PEDS1: variants seen among roughly 807,000 people sequenced by gnomAD.
The protein encoded by PEDS1 is CarF homolog.
PEDS1 carries 14 observed loss-of-function variants against 35.2 expected under a neutral mutation model. The ratio of observed to expected loss-of-function variants is 0.40; its 90% CI spans 0.26 to 0.62. The LOEUF (loss-of-function observed/expected upper bound fraction) is 0.62. Among genes scored for constraint, PEDS1 ranks in the 20% least tolerant of loss-of-function variants. The probability of loss-of-function intolerance (pLI) is 0.44; values close to 1 mark genes in which losing one functional copy is unlikely to be tolerated. For missense variants in PEDS1, 260 were observed against 367.8 expected (o/e 0.71, Z 2.40); for synonymous variants, 152 against 152.0 (o/e 1.00, Z 0.00).
At chr20:50,126,874 TTGCTCTAATCTG>T (rs1224395295) in intron 5 of PEDS1, among the ~76,000 whole-genome samples, 2 of 152,168 alleles carry the variant, frequency 1.3e-5, no homozygotes, top group African/African-American at 4.8e-5. Context: ...CCTGTTACCT[TTGCTCTAATCTG>T]TGCTCATCTA....
At position 50,139,682 on chromosome 20, in the gene PEDS1, T is replaced by TC. The variant is rs979487593; in HGVS notation, c.241+3819_241+3820insG. Among the ~76,000 whole-genome samples, 9 of 144,462 alleles carry TC rather than the reference T, an allele frequency of 6.2e-5. No homozygotes were observed. The South Asian group carries it at 1.1e-3, about 18-fold the overall frequency. The allele number at this position is 144,462 out of a possible 152,430, so 94.8% of individuals were successfully genotyped here. Reference sequence around the variant, plus strand: ...CAGATGACCCCCGGATTTCTTTCTTTTTTTTTTTTTTTTTCCAGAGGAAGT... The same window carrying TC: ...CAGATGACCCCCGGATTTCTTTCTTTCTTTTTTTTTTTTTTCCAGAGGAAGT... On this transcript the variant is annotated intron_variant, in intron 2 of 5. Transcript: ENST00000371652.
At chr20:50,136,655 A>G (rs955609805) in intron 2 of PEDS1, among the ~76,000 whole-genome samples, 5 of 145,344 alleles carry the variant, frequency 3.4e-5, no homozygotes, top group Admixed American at 2.2e-4. Context: ...CCTGGGAGGA[A>G]GAGGTAGCAG....
In PEDS1 at chr20:50,124,180, TTGC is replaced by T. The variant is rs1458115062; in HGVS notation, c.*875_*877del. 1 of 152,642 alleles carries T rather than the reference TTGC, an allele frequency of 6.6e-6. No individual in the cohort carries two copies. Among genetic ancestry groups the T allele is most frequent in the Non-Finnish European group, 1.5e-5 (1 of 68,036 alleles). The allele number at this position is 152,642 out of a possible 1,614,324, so 9.5% of individuals were successfully genotyped here. A position where few individuals can be genotyped will look rare whatever the true frequency, so the allele number is the denominator to read the frequency against. On this transcript the variant is annotated 3_prime_UTR_variant, in exon 6 of 6. Coordinates refer to ENST00000371652, the MANE Select transcript of PEDS1 (RefSeq NM_199129.4). ...GAGGCAGCCAAGGTTAAGTAGACTCTTGCTGCTTTGTTATAAATATATTATGTA... is the reference window on the plus strand; with the variant it reads ...GAGGCAGCCAAGGTTAAGTAGACTCTTGCTTTGTTATAAATATATTATGTA...
Position 50,128,491 on chromosome 20 carries a change from A to G in PEDS1, c.479-304T>C, listed in dbSNP as rs1468956999. On this transcript the variant is annotated intron_variant, in intron 4 of 5. Coordinates refer to ENST00000371652, the MANE Select transcript of PEDS1 (RefSeq NM_199129.4). The surrounding 1 kb of genome is among the most constrained non-coding windows in gnomAD (Gnocchi z 5.2). Reference sequence around the variant, plus strand: ...ATCTCTGCCGACATTTCTTGGCAGTATGGGCTGGATCGGTGACTCTGCCTC... The same window carrying G: ...ATCTCTGCCGACATTTCTTGGCAGTGTGGGCTGGATCGGTGACTCTGCCTC... Among the ~76,000 whole-genome samples, 2 of 152,182 alleles carry G rather than the reference A, an allele frequency of 1.3e-5. No individual in the cohort carries two copies. Among genetic ancestry groups the G allele is most frequent in the African/African-American group, 4.8e-5 (2 of 41,444 alleles).
intron 1 of PEDS1, among the ~76,000 whole-genome samples, chr20:50,150,055 G>C (rs1032138844): frequency 6.6e-6 from 1 of 152,180 alleles, no homozygotes; most frequent in Non-Finnish European, 1.5e-5. Flanking sequence ...GGGCAGATGC[G>C]GGCCTAACCC....
intron 2 of PEDS1, among the ~76,000 whole-genome samples, chr20:50,132,806 G>C (rs2077069553): frequency 6.6e-6 from 1 of 152,154 alleles, no homozygotes. Context: ...CCATATTACT[G>C]TTGCTGTCAT....
At chr20:50,137,882 C>A (rs930360445) in intron 2 of PEDS1, among the ~76,000 whole-genome samples, 6 of 151,744 alleles carry the variant, frequency 4.0e-5, no homozygotes, top group Non-Finnish European at 8.8e-5. Context: ...AACAAACAAA[C>A]AAAAAAAACT....
rs760444312 is a variant in PEDS1, at chr20:50,129,583, C to G, written c.441G>C (p.Leu147=). ...GDNCLVTLLP[L]LNMAYKFRTH... is the part of the protein sequence containing the mutation. ...TGCGGAACTTGTAGGCCATGTTTAG[C>G]AGCGGCAGCAGTGTCACCAGGCAGT... is the stretch of plus-strand genomic sequence containing the variant. Residue 147 remains leucine, a synonymous_variant, in exon 4 of 6, where the codon CTG becomes CTC. Transcript: ENST00000371652. This position sits in a 1 kb window ranked among gnomAD's most constrained non-coding sequence, Gnocchi z 4.2. 24 of 1,614,108 alleles carry G rather than the reference C, an allele frequency of 1.5e-5. No individual in the cohort carries two copies. Among genetic ancestry groups the G allele is most frequent in the Middle Eastern group, 1.6e-4 (1 of 6,062 alleles).
chr20:50,124,803 G>A lies in PEDS1; in HGVS notation c.*255C>T, dbSNP rs1370956250. On this transcript the variant is annotated 3_prime_UTR_variant, in exon 6 of 6. Coordinates refer to ENST00000371652, the MANE Select transcript of PEDS1 (RefSeq NM_199129.4). ...TGGGTAAACCTCCTCTCTACCAGGG[G>A]AGGCTGGCAGAGTCAGGCTTGCAGA... is the stretch of plus-strand genomic sequence containing the variant. 1.2e-5 allele frequency: 5 copies of A among 412,160 alleles called. No individual in the cohort carries two copies. In the East Asian group the frequency reaches 2.3e-4, roughly 19 times the overall value. 25.5% of individuals were successfully genotyped at this position (412,160 alleles called of 1,614,324 possible).
At chr20:50,133,061 C>T (rs1006346789) in intron 2 of PEDS1, among the ~76,000 whole-genome samples, 1 of 152,158 alleles carries the variant, frequency 6.6e-6, no homozygotes, top group African/African-American at 2.4e-5. Context: ...TGCTGGTGCC[C>T]TCAACCCCTT....
chr20:50,124,851 G>C lies in PEDS1; in HGVS notation c.*207C>G. 1 of 583,240 alleles carries C rather than the reference G, an allele frequency of 1.7e-6. No homozygotes were observed. The highest frequency in any genetic ancestry group is 2.9e-6 in the Non-Finnish European group (1 of 347,724). 36.1% of individuals were successfully genotyped at this position (583,240 alleles called of 1,614,324 possible). A position where few individuals can be genotyped will look rare whatever the true frequency, so the allele number is the denominator to read the frequency against. On this transcript the variant is annotated 3_prime_UTR_variant, in exon 6 of 6. Coordinates refer to ENST00000371652, the MANE Select transcript of PEDS1 (RefSeq NM_199129.4). ...AGATAGAGCAACTCAGGTGGCTGAGGAGGGGCCGAGGAAAAAAAAAAAAAA... is the reference window on the plus strand; with the variant it reads ...AGATAGAGCAACTCAGGTGGCTGAGCAGGGGCCGAGGAAAAAAAAAAAAAA...
At chr20:50,150,309 C>T (rs1164602317) in intron 1 of PEDS1, among the ~76,000 whole-genome samples, 1 of 152,200 alleles carries the variant, frequency 6.6e-6, no homozygotes, top group African/African-American at 2.4e-5. Context: ...TAATCTCAAA[C>T]ATTCTGCTCC....
At chr20:50,152,385 C>T (rs2081413390) in intron 1 of PEDS1, among the ~76,000 whole-genome samples, 1 of 152,194 alleles carries the variant, frequency 6.6e-6, no homozygotes, top group Admixed American at 6.5e-5. Context: ...GGAAGGATGT[C>T]AGGATATTTG....
At chr20:50,139,275 C>T (rs973075565) in intron 2 of PEDS1, among the ~76,000 whole-genome samples, 20 of 152,186 alleles carry the variant, frequency 1.3e-4, no homozygotes, top group African/African-American at 4.8e-4. Flanking sequence ...ACTTCCTCCC[C>T]CTTCTCCACG....
In PEDS1 at chr20:50,127,963, TG is replaced by T; in HGVS notation, c.691+11del. 6.2e-7 allele frequency: 1 copy of T among 1,612,288 alleles called. No homozygotes were observed. The highest frequency in any genetic ancestry group is 8.5e-7 in the Non-Finnish European group (1 of 1,179,332). The stretch of plus-strand genomic sequence containing the variant: ...GTGGGGAAAGCCCATTCCACGCCAC[TG>T]GTGGCCGCACCTGTGGTGATGCAGA... On this transcript the variant is annotated intron_variant, in intron 5 of 5. Coordinates refer to ENST00000371652, the MANE Select transcript of PEDS1 (RefSeq NM_199129.4).
rs1325325965 is a variant in PEDS1 at position 50,118,881 on chromosome 20, G to C, written c.*6177C>G. The stretch of plus-strand genomic sequence containing the variant: ...CCTCGTGATCCGCCCAAAGTGCTGG[G>C]ATTACAGGCGTGAGCTACCACACCC... On this transcript the variant is annotated 3_prime_UTR_variant, in exon 6 of 6. Transcript: ENST00000371652. 2.0e-5 allele frequency: 3 copies of C among 152,110 alleles called. No homozygotes were observed. Among genetic ancestry groups the C allele is most frequent in the East Asian group, 3.9e-4 (2 of 5,192 alleles). The allele number at this position is 152,110 out of a possible 1,614,324, so 9.4% of individuals were successfully genotyped here.
chr20:50,130,815 C>A (rs745672284), intron 3 of PEDS1, 41 bp downstream of exon 3: 6 of 1,612,318 alleles, frequency 3.7e-6, no homozygotes, highest in Non-Finnish European at 5.1e-6. Context: ...CCATACAGCC[C>A]AACCTCCTTC....
Position 50,130,937 on chromosome 20 carries a change from A to C in PEDS1, c.252T>G (p.Ala84=), listed in dbSNP as rs752742085. Residue 84 remains alanine, a synonymous_variant, in exon 3 of 6, where the codon GCT becomes GCG. Transcript: ENST00000371652. ...GGCCAGACAAGAAGTCAGCAATGAG[A>C]GCCCCTGCAACTGTGGACAAGAGGG... ...PLVILGVVAG[A]LIADFLSGLV... is the part of the protein sequence containing the mutation. The C allele has an allele frequency of 6.2e-7, 1 of 1,614,226 alleles. No homozygotes were observed. The highest frequency in any genetic ancestry group is 1.1e-5 in the South Asian group (1 of 91,088).
chr20:50,142,762 T>A (rs555086280), intron 2 of PEDS1, among the ~76,000 whole-genome samples: 156 of 139,586 alleles, frequency 1.1e-3, no homozygotes, highest in African/African-American at 4.0e-3. Context: ...GGGGCTGCTA[T>A]GTTTTGTGGG....
Sources: gnomAD v4.1 joint callset for allele counts (sites outside exome capture counted in the v4.1 genomes callset) on GRCh38, gnomAD v4.1.1 for gene constraint, Gnocchi (gnomAD v3.1) non-coding constraint, MANE v1.5 for transcripts, NCBI Gene and HGNC (gene_info 2026-07-23, HGNC 2026-07-21) for gene names.